The following LGMN variants were observed in gnomAD, a reference collection of about 807,000 sequenced individuals.
LGMN encodes asparaginyl endopeptidase.
In LGMN, 36 loss-of-function variants were observed where a neutral mutation model predicts 56.8. That is an observed-to-expected ratio of 0.63 (90% CI 0.49 to 0.84). The LOEUF is 0.84. Among genes scored for constraint, LGMN ranks in the 40% least tolerant of loss-of-function variants. The pLI is 0.00. For missense variants in LGMN, 446 were observed against 556.1 expected, an observed-to-expected ratio of 0.80 and a Z score of 1.99; for synonymous variants, 199 against 210.1, an observed-to-expected ratio of 0.95 and a Z score of 0.46.
chr14:92,705,674 C>T (rs188699684), intron 12 of LGMN, among the ~76,000 whole-genome samples: 1 of 151,996 alleles, frequency 6.6e-6, no homozygotes, highest in Admixed American at 6.6e-5. Flanking sequence ...GTCGCCCAGG[C>T]TGGAGTATAG....
Position 92,714,826 on chromosome 14 carries a change from G to A in LGMN, c.405-375C>T, listed in dbSNP as rs1392340068. 1.3e-5 allele frequency among the ~76,000 whole-genome samples: 2 copies of A among 151,926 alleles called. No homozygotes were observed. ...ATCTCCCCAAAATGACCTCAACACA[G>A]GCCTGCAGCCTCCCCCCCTCCAGGC... On this transcript the variant is annotated intron_variant, in intron 5 of 13. Transcript: ENST00000334869. The surrounding 1 kb of genome is among the most constrained non-coding windows in gnomAD (Gnocchi z 5.1).
At chr14:92,731,924 T>G (rs1384291698) in intron 2 of LGMN, among the ~76,000 whole-genome samples, 2 of 152,228 alleles carry the variant, frequency 1.3e-5, no homozygotes, top group Non-Finnish European at 2.9e-5. Flanking sequence ...GAGGCTGGAC[T>G]TTTCATGGAC....
chr14:92,743,653 T>G (rs992283100), intron 1 of LGMN, among the ~76,000 whole-genome samples: 1 of 151,526 alleles, frequency 6.6e-6, no homozygotes, highest in African/African-American at 2.4e-5. Flanking sequence ...ATACAAAAAT[T>G]AGCCAGGCAT....
chr14:92,718,856 G>T lies in LGMN; in HGVS notation c.139-12C>A. On this transcript the variant is annotated splice_polypyrimidine_tract_variant and intron_variant, in intron 2 of 13. Coordinates refer to ENST00000334869, the MANE Select transcript of LGMN (RefSeq NM_005606.7). ...TGGCACGCGTCTGCCTGGGAGAAAT[G>T]ATTTGGTGAAGTTTTAGATCTTGCC... 6.2e-7 allele frequency: 1 copy of T among 1,606,724 alleles called. No homozygotes were observed. The highest frequency in any genetic ancestry group is 8.5e-7 in the Non-Finnish European group (1 of 1,173,714).
intron 11 of LGMN, among the ~76,000 whole-genome samples, chr14:92,707,469 T>C (rs1045144922): frequency 6.6e-6 from 1 of 152,138 alleles, no homozygotes; most frequent in South Asian, 2.1e-4. Context: ...AAGGCTGGAT[T>C]TTCTTCTTAC....
rs149184379 is a variant in LGMN, at chr14:92,710,635, T to C, written c.820-763A>G. Among the ~76,000 whole-genome samples, 1,194 of 152,264 alleles carry C rather than the reference T, an allele frequency of 7.8e-3. 46 individuals carry two copies. The highest frequency in any genetic ancestry group is 0.07 in the Admixed American group (1,078 of 15,294). ...CAGCAATACCACACACACCAATCTA[T>C]ATAAAAACACAGAGTTTGGAGAAGA... On this transcript the variant is annotated intron_variant, in intron 10 of 13. Coordinates refer to ENST00000334869, the MANE Select transcript of LGMN (RefSeq NM_005606.7).
intron 1 of LGMN, among the ~76,000 whole-genome samples, chr14:92,746,796 G>T (rs1891838211): frequency 6.6e-6 from 1 of 152,142 alleles, no homozygotes; most frequent in Non-Finnish European, 1.5e-5. Context: ...CAGCACTTTG[G>T]GAGGCCGAGG....
At chr14:92,730,201 G>A (rs1161579965) in intron 2 of LGMN, among the ~76,000 whole-genome samples, 1 of 152,064 alleles carries the variant, frequency 6.6e-6, no homozygotes, top group Admixed American at 6.6e-5. Flanking sequence ...CTGTGTGCGC[G>A]GGCTGCTCCT....
intron 2 of LGMN, among the ~76,000 whole-genome samples, chr14:92,729,728 G>A (rs1028266231): frequency 1.3e-5 from 2 of 152,300 alleles, no homozygotes; most frequent in African/African-American, 2.4e-5. Context: ...TGTGGAGACC[G>A]TTCTTTTGAA....
intron 1 of LGMN, among the ~76,000 whole-genome samples, chr14:92,745,150 T>G (rs1891763523): frequency 6.6e-6 from 1 of 152,106 alleles, no homozygotes; most frequent in African/African-American, 2.4e-5. Flanking sequence ...ACAAAAAAAT[T>G]TAAAAATCCA....
chr14:92,748,152 A>C (rs1461426131), intron 1 of LGMN, among the ~76,000 whole-genome samples: 1 of 152,116 alleles, frequency 6.6e-6, no homozygotes, highest in Non-Finnish European at 1.5e-5. Flanking sequence ...CCCCAGTCCC[A>C]GTAGGGGCCC....
At chr14:92,710,063 C>T (rs1054851610) in intron 10 of LGMN, among the ~76,000 whole-genome samples, 191 bp from the exon 11 acceptor site, 3 of 152,130 alleles carry the variant, frequency 2.0e-5, no homozygotes, top group African/African-American at 4.8e-5. Flanking sequence ...GCCACAGTCA[C>T]AGTCTGAAAG....
At chr14:92,735,911 G>A (rs1891283792) in intron 1 of LGMN, among the ~76,000 whole-genome samples, 1 of 152,008 alleles carries the variant, frequency 6.6e-6, no homozygotes, top group Non-Finnish European at 1.5e-5. Flanking sequence ...GTGCACCTGA[G>A]GAGGCTCCCC....
rs80307714 is a variant in LGMN at position 92,721,910 on chromosome 14, G to A, written c.139-3066C>T. Among the ~76,000 whole-genome samples, 989 of 152,100 alleles carry A rather than the reference G, an allele frequency of 6.5e-3. 11 individuals are homozygous for A. Among genetic ancestry groups the A allele is most frequent in the African/African-American group, 0.023 (938 of 41,478 alleles). On this transcript the variant is annotated intron_variant, in intron 2 of 13. Coordinates refer to ENST00000334869, the MANE Select transcript of LGMN (RefSeq NM_005606.7). ...AATCTATAAAAACTTTTAAAAATAC[G>A]CAAACAAGTACAACCCGGGTTTCAA...
chr14:92,711,675 A>G lies in LGMN; in HGVS notation c.803T>C (p.Met268Thr). 1 of 1,614,226 alleles carries G rather than the reference A, an allele frequency of 6.2e-7. No individual in the cohort carries two copies. The highest frequency in any genetic ancestry group is 8.5e-7 in the Non-Finnish European group (1 of 1,180,030). Residue 268 changes from methionine to threonine, a missense_variant, in exon 10 of 14, where the codon ATG (methionine) becomes ACG (threonine). By Grantham distance (81) the Met-to-Thr change is moderately conservative. Coordinates refer to ENST00000334869, the MANE Select transcript of LGMN (RefSeq NM_005606.7). ...CCGACTCACTTTGTTTCCATACTGC[A>G]TGACGTGGCTGGTGTTGGTGTGCGA... Reference protein sequence around the residue: ...VKSHTNTSHVMQYGNKTISTM... With the variant: ...VKSHTNTSHVTQYGNKTISTM...
chr14:92,735,844 C>G (rs1343020516), intron 1 of LGMN, among the ~76,000 whole-genome samples: 1 of 151,202 alleles, frequency 6.6e-6, no homozygotes, highest in Admixed American at 6.6e-5. Context: ...TGGCACATAA[C>G]AGATAGGTCA....
chr14:92,721,942 T>C (rs180840614), intron 2 of LGMN, among the ~76,000 whole-genome samples: 1 of 152,252 alleles, frequency 6.6e-6, no homozygotes, highest in African/African-American at 2.4e-5. Context: ...TCAAAATAGA[T>C]GACTCTTGGG....
chr14:92,710,492 G>A (rs915712755), intron 10 of LGMN, among the ~76,000 whole-genome samples: 3 of 152,316 alleles, frequency 2.0e-5, no homozygotes, highest in Non-Finnish European at 4.4e-5. Context: ...TGGGCACAGC[G>A]GCCAGGCTCG....
Position 92,704,299 on chromosome 14 carries a change from A to T in LGMN, c.*20T>A. The T allele has an allele frequency of 1.2e-6, 2 of 1,614,118 alleles. No individual in the cohort carries two copies. Among genetic ancestry groups the T allele is most frequent in the South Asian group, 2.2e-5 (2 of 91,090 alleles). On this transcript the variant is annotated 3_prime_UTR_variant, in exon 14 of 14. Transcript: ENST00000334869. ...TCGGTGGGGCGCTCACACTTGGAAAAGCTTCCAGGAGGCAGCTCTTCAGTA... is the reference window on the plus strand; with the variant it reads ...TCGGTGGGGCGCTCACACTTGGAAATGCTTCCAGGAGGCAGCTCTTCAGTA...
Sources: allele counts gnomAD v4.1 joint callset (sites outside exome capture counted in the v4.1 genomes callset), GRCh38; gene constraint gnomAD v4.1.1; non-coding constraint Gnocchi (gnomAD v3.1); transcripts MANE v1.5; gene names NCBI Gene and HGNC (gene_info 2026-07-23, HGNC 2026-07-21).